The following SHISA9 variants were observed in gnomAD, a reference collection of about 807,000 sequenced individuals.
SHISA9 encodes the protein shisa family member 9, also known as protein shisa-9.
Under a neutral mutation model 38.0 loss-of-function variants are expected in SHISA9, and 13 were observed. The observed-to-expected ratio is 0.34, with a 90% CI of 0.22 to 0.54. The LOEUF (loss-of-function observed/expected upper bound fraction) is 0.54, where lower values mean the gene tolerates loss of function less well. Ranked by LOEUF, SHISA9 falls within the 20% of genes least tolerant of loss-of-function variation. SHISA9 has a pLI of 0.91. For synonymous variants in SHISA9, 275 were observed against 242.0 expected (o/e 1.14, Z -1.27); for missense variants, 538 against 575.8 (o/e 0.93, Z 0.67).
At chr16:13,319,135 G>C in the SHISA9 span, among the ~76,000 whole-genome samples, 1 of 152,214 alleles carries the variant, frequency 6.6e-6, no homozygotes, top group Non-Finnish European at 1.5e-5. Context: ...AGCCTCCCGA[G>C]TAGCTGGGAC....
At chr16:12,916,634 A>C in intron 1 of SHISA9, 54 bp from the exon 2 acceptor site, 1 of 1,530,900 alleles carries the variant, frequency 6.5e-7, no homozygotes, top group Non-Finnish European at 8.8e-7. Context: ...GGCGCATAGC[A>C]GCTGCCAGTC....
chr16:13,292,700 A>C, the SHISA9 span, among the ~76,000 whole-genome samples: 4 of 152,288 alleles, frequency 2.6e-5, no homozygotes, highest in South Asian at 6.2e-4. Context: ...TCTTATCTTC[A>C]ATACAATACA....
chr16:12,961,627 G>A (rs2071913535), intron 2 of SHISA9, among the ~76,000 whole-genome samples: 1 of 152,084 alleles, frequency 6.6e-6, no homozygotes, highest in Admixed American at 6.6e-5. Context: ...AGAAAGAAGG[G>A]GGAAGAAGGA....
chr16:13,498,879 G>A, the SHISA9 span, among the ~76,000 whole-genome samples: 4 of 152,244 alleles, frequency 2.6e-5, no homozygotes, highest in Non-Finnish European at 4.4e-5. Flanking sequence ...AAGGGGAGAA[G>A]TCAGTCTGGT....
At chr16:12,928,990 C>G (rs1040737546) in intron 2 of SHISA9, among the ~76,000 whole-genome samples, 8 of 152,116 alleles carry the variant, frequency 5.3e-5, no homozygotes, top group African/African-American at 1.9e-4. Context: ...TTTTAATGAA[C>G]AGATACTTCT....
At chr16:13,245,459 T>C in the SHISA9 span, among the ~76,000 whole-genome samples, 4 of 152,182 alleles carry the variant, frequency 2.6e-5, no homozygotes, top group Non-Finnish European at 5.9e-5. Flanking sequence ...ATCTCTATCA[T>C]TGGCTGTTAT....
rs1400974890 is a variant in SHISA9 at position 13,235,894 on chromosome 16, A to G, written c.*485A>G. On this transcript the variant is annotated 3_prime_UTR_variant, in exon 5 of 5. Transcript: ENST00000558583. ...AGAATGAGGGAGGACACAAGAGAAG[A>G]GTGTATTCTGGAAGAGGAGTTGTTC... 6.5e-6 allele frequency: 1 copy of G among 154,394 alleles called. No homozygotes were observed. Among genetic ancestry groups the G allele is most frequent in the East Asian group, 1.9e-4 (1 of 5,248 alleles). 9.6% of individuals were successfully genotyped at this position (154,394 alleles called of 1,614,324 possible).
At chr16:13,377,947 C>T in the SHISA9 span, among the ~76,000 whole-genome samples, 2 of 152,152 alleles carry the variant, frequency 1.3e-5, no homozygotes, top group African/African-American at 2.4e-5. Flanking sequence ...GTGGGAGAAT[C>T]GCTTGAACCT....
At chr16:13,410,039 T>C in the SHISA9 span, among the ~76,000 whole-genome samples, 1 of 152,252 alleles carries the variant, frequency 6.6e-6, no homozygotes, top group Non-Finnish European at 1.5e-5. Flanking sequence ...ATATTTTTAG[T>C]AGTATTAGTA....
chr16:13,212,490 A>G (rs2051130253), intron 3 of SHISA9, among the ~76,000 whole-genome samples: 1 of 152,198 alleles, frequency 6.6e-6, no homozygotes, highest in African/African-American at 2.4e-5. Flanking sequence ...GGGACATCTG[A>G]AAGGGAATTC....
chr16:13,154,432 C>T (rs2050525455), intron 2 of SHISA9, among the ~76,000 whole-genome samples: 1 of 152,132 alleles, frequency 6.6e-6, no homozygotes, highest in Non-Finnish European at 1.5e-5. Context: ...TGGATGGAAG[C>T]TTTAGGAGCC....
At chr16:13,325,151 G>A in the SHISA9 span, among the ~76,000 whole-genome samples, 1 of 152,186 alleles carries the variant, frequency 6.6e-6, no homozygotes, top group Non-Finnish European at 1.5e-5. Context: ...AAGGGAAGGA[G>A]ATTCTCTACA....
the SHISA9 span, among the ~76,000 whole-genome samples, chr16:13,522,874 G>A: frequency 6.6e-6 from 1 of 152,108 alleles, no homozygotes; most frequent in Non-Finnish European, 1.5e-5. Context: ...AGAAACAGGG[G>A]GAATATGATG....
At chr16:13,228,794 TC>T (rs1284649689) in intron 4 of SHISA9, among the ~76,000 whole-genome samples, 3 of 152,284 alleles carry the variant, frequency 2.0e-5, no homozygotes, top group Admixed American at 1.3e-4. Context: ...GATTATTTCA[TC>T]CCCCAGGTAT....
intron 2 of SHISA9, among the ~76,000 whole-genome samples, chr16:13,034,200 G>A (rs930485822): frequency 6.6e-6 from 1 of 151,736 alleles, no homozygotes; most frequent in Non-Finnish European, 1.5e-5. Flanking sequence ...CCTATCCCAA[G>A]TAGAGAAGTA....
chr16:13,559,681 C>T, the SHISA9 span, among the ~76,000 whole-genome samples: 1 of 152,220 alleles, frequency 6.6e-6, no homozygotes, highest in African/African-American at 2.4e-5. Flanking sequence ...CCACATCCAG[C>T]TGAGCATGGA....
the SHISA9 span, among the ~76,000 whole-genome samples, chr16:13,482,254 G>A: frequency 2.8e-3 from 420 of 152,358 alleles, 2 homozygotes; most frequent in African/African-American, 9.5e-3. Context: ...TGATTTAACT[G>A]TATCTACTGA....
the SHISA9 span, among the ~76,000 whole-genome samples, chr16:13,547,525 C>A: frequency 3.9e-5 from 6 of 152,084 alleles, no homozygotes; most frequent in African/African-American, 1.4e-4. Flanking sequence ...TATACAATGG[C>A]AGAAGATGTA....
intron 2 of SHISA9, among the ~76,000 whole-genome samples, chr16:13,013,394 G>C (rs765466202): frequency 2.0e-5 from 3 of 152,146 alleles, no homozygotes; most frequent in Non-Finnish European, 2.9e-5. Context: ...TCAGAGCCTG[G>C]CCGGGGGAAA....
Sources: gnomAD v4.1 joint callset for allele counts (sites outside exome capture counted in the v4.1 genomes callset) on GRCh38, gnomAD v4.1.1 for gene constraint, MANE v1.5 for transcripts, NCBI Gene and HGNC (gene_info 2026-07-23, HGNC 2026-07-21) for gene names.